The following CNTN4 variants were observed in gnomAD, a reference collection of about 807,000 sequenced individuals.
CNTN4 encodes the protein contactin-4.
CNTN4 carries 77 observed loss-of-function variants against 122.5 expected under a neutral mutation model. The observed-to-expected ratio is 0.63, with a 90% CI of 0.52 to 0.76. The LOEUF (loss-of-function observed/expected upper bound fraction) is 0.76. Ranked by LOEUF, CNTN4 falls within the 30% of genes least tolerant of loss-of-function variation. The pLI, the probability that CNTN4 is intolerant of heterozygous loss-of-function variation, is 0.00. For synonymous variants in CNTN4, 512 were observed against 447.0 expected (o/e 1.15, Z -1.83); for missense variants, 1,256 against 1,259.1 (o/e 1.00, Z 0.04).
chr3:2,206,459 ATG>A (rs988553638), intron 2 of CNTN4, among the ~76,000 whole-genome samples: 10 of 152,138 alleles, frequency 6.6e-5, no homozygotes, highest in African/African-American at 2.4e-4. Flanking sequence ...TAAATAATGA[ATG>A]TGAATACTCC....
At chr3:3,003,569 C>T (rs780525553) in intron 14 of CNTN4, among the ~76,000 whole-genome samples, 3 of 150,730 alleles carry the variant, frequency 2.0e-5, no homozygotes, top group Non-Finnish European at 2.9e-5. Context: ...AAAGTAGATT[C>T]GTAGCTGCCA....
intron 2 of CNTN4, among the ~76,000 whole-genome samples, chr3:2,274,360 A>G (rs11129079): frequency 0.51 from 78,007 of 151,686 alleles, 20,934 homozygotes; most frequent in South Asian, 0.65. Context: ...TCCAGCCTGG[A>G]CGACAGAGAG....
chr3:2,169,443 G>C (rs1170115225), intron 2 of CNTN4, among the ~76,000 whole-genome samples: 1 of 151,786 alleles, frequency 6.6e-6, no homozygotes, highest in Non-Finnish European at 1.5e-5. Flanking sequence ...GTCTGGCTCT[G>C]TCACTCAGGC....
intron 23 of CNTN4, among the ~76,000 whole-genome samples, chr3:3,046,209 A>G (rs1187452161): frequency 6.6e-6 from 1 of 152,232 alleles, no homozygotes. Context: ...ACTCTGCAGG[A>G]TATTATCCAG....
At position 2,305,594 on chromosome 3, in the gene CNTN4, T is replaced by C. The variant is rs11920651; in HGVS notation, c.-144-33584T>C. ...TTTATGTTGACCAATTCATATACTA[T>C]ACTTTGATGAAATTATTTTTGTGAA... On this transcript the variant is annotated intron_variant, in intron 2 of 24. Transcript: ENST00000418658. Among the ~76,000 whole-genome samples, 855 of 152,336 alleles carry C rather than the reference T, an allele frequency of 5.6e-3. 13 individuals carry two copies. The highest frequency in any genetic ancestry group is 0.02 in the African/African-American group (823 of 41,588).
chr3:2,824,288 C>T (rs2092939562), intron 7 of CNTN4, among the ~76,000 whole-genome samples: 1 of 151,840 alleles, frequency 6.6e-6, no homozygotes, highest in Non-Finnish European at 1.5e-5. Flanking sequence ...ATAGAGAAAC[C>T]CCGTCTCTGC....
chr3:2,714,205 A>T (rs1400388399), intron 4 of CNTN4, among the ~76,000 whole-genome samples: 2 of 152,160 alleles, frequency 1.3e-5, no homozygotes, highest in Admixed American at 1.3e-4. Context: ...TTTTTAAAAA[A>T]ATCAGTATTA....
At chr3:2,345,484 G>A (rs1179691917) in intron 3 of CNTN4, among the ~76,000 whole-genome samples, 4 of 152,062 alleles carry the variant, frequency 2.6e-5, no homozygotes, top group Non-Finnish European at 5.9e-5. Flanking sequence ...TTTCCTTATG[G>A]TTAATGGAAA....
intron 10 of CNTN4, among the ~76,000 whole-genome samples, chr3:2,899,936 A>G (rs568982842): frequency 1.3e-5 from 2 of 152,354 alleles, no homozygotes; most frequent in Non-Finnish European, 2.9e-5. Context: ...GGAGTGAAGT[A>G]TATTAGTGAG....
intron 3 of CNTN4, among the ~76,000 whole-genome samples, chr3:2,432,174 A>G (rs1186182986): frequency 3.3e-5 from 5 of 152,198 alleles, no homozygotes; most frequent in African/African-American, 1.2e-4. Context: ...ACATTATTTG[A>G]GTAACTAAAC....
Position 2,098,951 on chromosome 3 carries a change from C to T in CNTN4, c.-254C>T, listed in dbSNP as rs1207983235. 3 of 152,234 alleles carry T rather than the reference C, an allele frequency of 2.0e-5. No homozygotes were observed. Among genetic ancestry groups the T allele is most frequent in the African/African-American group, 7.2e-5 (3 of 41,466 alleles). 9.4% of individuals were successfully genotyped at this position (152,234 alleles called of 1,614,324 possible). A position where few individuals can be genotyped will look rare whatever the true frequency, so the allele number is the denominator to read the frequency against. ...CTGTGCCGGCGCCGCACCCGAGGCT[C>T]TCGCCAGCCCGGCGCCCCGGTGCTG... On this transcript the variant is annotated 5_prime_UTR_variant, in exon 1 of 25. Coordinates refer to ENST00000418658, the MANE Select transcript of CNTN4 (RefSeq NM_175607.3).
intron 13 of CNTN4, among the ~76,000 whole-genome samples, chr3:2,978,635 A>T (rs2125168960): frequency 6.6e-6 from 1 of 152,350 alleles, no homozygotes; most frequent in African/African-American, 2.4e-5. Context: ...GTGGCTGTGA[A>T]GTTCCTCTGG....
intron 3 of CNTN4, among the ~76,000 whole-genome samples, chr3:2,516,289 A>T (rs1380208359): frequency 6.6e-6 from 1 of 152,068 alleles, no homozygotes; most frequent in Non-Finnish European, 1.5e-5. Context: ...AGAATCCGTA[A>T]TGTGAAATAA....
At chr3:3,013,558 G>C (rs972936963) in intron 14 of CNTN4, among the ~76,000 whole-genome samples, 4 of 152,108 alleles carry the variant, frequency 2.6e-5, no homozygotes, top group African/African-American at 9.6e-5. Context: ...TTGACCGCCA[G>C]GGTGCCCAAG....
rs567461078 is a variant in CNTN4, at chr3:2,455,491, G to A, written c.-88-115925G>A. Among the ~76,000 whole-genome samples, 15 of 151,918 alleles carry A rather than the reference G, an allele frequency of 9.9e-5. No homozygotes were observed. In the East Asian group the frequency reaches 2.9e-3, roughly 29 times the overall value. On this transcript the variant is annotated intron_variant, in intron 3 of 24. Coordinates refer to ENST00000418658, the MANE Select transcript of CNTN4 (RefSeq NM_175607.3). ...CCTAGTCTTTTTTCTTTTTTTTAAG[G>A]GGAGACACCTTTGCTTCTATACTTT...
chr3:2,120,234 T>C (rs2033632004), intron 2 of CNTN4, among the ~76,000 whole-genome samples: 1 of 150,782 alleles, frequency 6.6e-6, no homozygotes, highest in Non-Finnish European at 1.5e-5. Flanking sequence ...ATGAGGATAG[T>C]TTAGCTGGAT....
intron 2 of CNTN4, among the ~76,000 whole-genome samples, chr3:2,226,494 T>C (rs2039288755): frequency 6.6e-6 from 1 of 152,182 alleles, no homozygotes; most frequent in Non-Finnish European, 1.5e-5. Flanking sequence ...TCAAATCTTC[T>C]ACACTGCTGG....
intron 4 of CNTN4, among the ~76,000 whole-genome samples, chr3:2,609,578 T>A (rs1055618855): frequency 7.9e-5 from 12 of 152,200 alleles, no homozygotes; most frequent in Admixed American, 2.6e-4. Flanking sequence ...TCAAAAGCAT[T>A]ATGTTCAGTA....
chr3:2,374,208 A>G (rs2045736946), intron 3 of CNTN4, among the ~76,000 whole-genome samples: 1 of 152,150 alleles, frequency 6.6e-6, no homozygotes, highest in African/African-American at 2.4e-5. Flanking sequence ...TAGATTGTGG[A>G]ATGAATTGGC....
Sources: allele counts gnomAD v4.1 joint callset (sites outside exome capture counted in the v4.1 genomes callset), GRCh38; gene constraint gnomAD v4.1.1; transcripts MANE v1.5; gene names NCBI Gene and HGNC (gene_info 2026-07-23, HGNC 2026-07-21).